The following TGFA variants were observed in gnomAD, a reference collection of about 807,000 sequenced individuals.
TGFA encodes transforming growth factor alpha, also known as protransforming growth factor alpha.
A neutral mutation model predicts 21.7 loss-of-function variants in TGFA; 12 were observed. The ratio of observed to expected loss-of-function variants is 0.55; its 90% confidence interval spans 0.35 to 0.90. The LOEUF is 0.90. TGFA is among the 40% of genes least tolerant of loss of function. The pLI is 0.01. For missense variants in TGFA, 178 were observed against 210.8 expected, an observed-to-expected ratio of 0.84 and a Z score of 0.96; for synonymous variants, 79 against 88.1, an observed-to-expected ratio of 0.90 and a Z score of 0.58.
intron 2 of TGFA, among the ~76,000 whole-genome samples, chr2:70,510,234 G>T (rs1453585932): frequency 6.6e-6 from 1 of 152,184 alleles, no homozygotes; most frequent in Admixed American, 6.5e-5. Flanking sequence ...CCTTTGTATA[G>T]TTCCAGCAAC....
intron 1 of TGFA, among the ~76,000 whole-genome samples, chr2:70,540,692 G>A (rs1363017255): frequency 4.6e-5 from 7 of 151,988 alleles, no homozygotes; most frequent in Non-Finnish European, 7.4e-5. Flanking sequence ...AGTCCCTAAG[G>A]TTAAAAACAA....
chr2:70,450,986 G>A (rs1471145048), intron 5 of TGFA, 120 bp from the exon 6 acceptor site: 18 of 1,232,902 alleles, frequency 1.5e-5, no homozygotes, highest in Non-Finnish European at 2.1e-5. Flanking sequence ...CTCTCGGGCA[G>A]TTAGGCCCGA....
At chr2:70,491,790 T>A (rs1671447107) in intron 2 of TGFA, among the ~76,000 whole-genome samples, 1 of 152,176 alleles carries the variant, frequency 6.6e-6, no homozygotes, top group East Asian at 1.9e-4. Flanking sequence ...CCCTGCCCTG[T>A]GCAAGATTCC....
intron 1 of TGFA, among the ~76,000 whole-genome samples, chr2:70,532,566 G>A (rs1478878584): frequency 6.6e-6 from 1 of 152,212 alleles, no homozygotes; most frequent in Non-Finnish European, 1.5e-5. Context: ...TGCCGGCCTT[G>A]TTTAAAGTAT....
chr2:70,506,811 A>C (rs559043022), intron 2 of TGFA, among the ~76,000 whole-genome samples: 1 of 152,324 alleles, frequency 6.6e-6, no homozygotes, highest in South Asian at 2.1e-4. Flanking sequence ...CAGAGGTGGA[A>C]TTTGAACTTG....
intron 2 of TGFA, among the ~76,000 whole-genome samples, chr2:70,502,302 C>G (rs1671760549): frequency 6.6e-6 from 1 of 152,196 alleles, no homozygotes; most frequent in South Asian, 2.1e-4. Context: ...TTCCCAACAG[C>G]CAAAGTGTGG....
At chr2:70,527,257 A>AT (rs530121322) in intron 1 of TGFA, among the ~76,000 whole-genome samples, 18 of 152,384 alleles carry the variant, frequency 1.2e-4, no homozygotes, top group Admixed American at 6.5e-4. Context: ...ACAATGGGAT[A>AT]TTATACAGCA....
intron 2 of TGFA, among the ~76,000 whole-genome samples, chr2:70,490,093 C>A (rs1412400049): frequency 6.6e-6 from 1 of 152,092 alleles, no homozygotes; most frequent in African/African-American, 2.4e-5. Context: ...AGTTTGAGAA[C>A]AACTGGTCTA....
intron 2 of TGFA, among the ~76,000 whole-genome samples, chr2:70,507,842 T>C (rs1023510181): frequency 1.3e-5 from 2 of 152,178 alleles, no homozygotes; most frequent in Admixed American, 1.3e-4. Flanking sequence ...CCCCATACTC[T>C]CCATTTCTTT....
intron 1 of TGFA, among the ~76,000 whole-genome samples, chr2:70,519,891 A>G (rs1339055647): frequency 6.6e-6 from 1 of 152,258 alleles, no homozygotes; most frequent in Non-Finnish European, 1.5e-5. Context: ...CACAGCAGAA[A>G]GGGGCTTTGC....
At chr2:70,470,990 T>C (rs1670726062) in intron 2 of TGFA, among the ~76,000 whole-genome samples, 1 of 152,126 alleles carries the variant, frequency 6.6e-6, no homozygotes, top group East Asian at 1.9e-4. Flanking sequence ...AGTACCATAT[T>C]AGAGAATAAA....
intron 2 of TGFA, 47 bp downstream of exon 2, chr2:70,514,812 G>C (rs782087743): frequency 1.9e-6 from 3 of 1,602,142 alleles, no homozygotes; most frequent in African/African-American, 2.7e-5. Context: ...CAGCAGGCCC[G>C]CTCCCTTCCC....
intron 3 of TGFA, 96 bp downstream of exon 3, chr2:70,465,520 G>C: frequency 6.6e-7 from 1 of 1,510,546 alleles, no homozygotes; most frequent in Middle Eastern, 1.9e-4. Flanking sequence ...CAGGGGTCTC[G>C]GAGCCTCTGG....
At chr2:70,519,438 T>C (rs1672384006) in intron 1 of TGFA, among the ~76,000 whole-genome samples, 1 of 152,210 alleles carries the variant, frequency 6.6e-6, no homozygotes, top group Non-Finnish European at 1.5e-5. Flanking sequence ...ATCACTAAAT[T>C]GTATGATTTC....
intron 2 of TGFA, among the ~76,000 whole-genome samples, chr2:70,474,255 T>C (rs539392319): frequency 2.1e-4 from 32 of 152,380 alleles, no homozygotes; most frequent in Admixed American, 3.9e-4. Flanking sequence ...GAAGCTTAGA[T>C]AACCTTGTCA....
At chr2:70,508,314 C>T (rs782709266) in intron 2 of TGFA, among the ~76,000 whole-genome samples, 12 of 152,182 alleles carry the variant, frequency 7.9e-5, no homozygotes, top group Admixed American at 1.3e-4. Flanking sequence ...GCGTGGTAGC[C>T]GGTGCCTGTA....
intron 3 of TGFA, among the ~76,000 whole-genome samples, chr2:70,457,457 T>C (rs1670269604): frequency 1.3e-5 from 2 of 152,186 alleles, no homozygotes; most frequent in Non-Finnish European, 2.9e-5. Context: ...CTGGTCCCTT[T>C]GTTACTTCGT....
At chr2:70,547,740 T>TTA in intron 1 of TGFA, among the ~76,000 whole-genome samples, 1 of 142,144 alleles carries the variant, frequency 7.0e-6, no homozygotes, top group South Asian at 2.3e-4. Context: ...TACTACTATA[T>TTA]TATATATATA....
chr2:70,456,937 A>C (rs1161226089), intron 3 of TGFA, among the ~76,000 whole-genome samples: 3 of 152,304 alleles, frequency 2.0e-5, no homozygotes, highest in East Asian at 3.9e-4. Context: ...TTGCCTTTTT[A>C]TCTTCTTCAA....
Sources: allele counts gnomAD v4.1 joint callset (sites outside exome capture counted in the v4.1 genomes callset), GRCh38; gene constraint gnomAD v4.1.1; transcripts MANE v1.5; gene names NCBI Gene and HGNC (gene_info 2026-07-23, HGNC 2026-07-21).